The following DAG1 variants were observed in gnomAD, a reference collection of about 807,000 sequenced individuals.
DAG1 encodes the protein dystroglycan 1, also known as dystroglycan 1 (dystrophin-associated glycoprotein 1).
A neutral mutation model predicts 46.1 loss-of-function variants in DAG1; 8 were observed. The ratio of observed to expected loss-of-function variants is 0.17; its 90% CI spans 0.10 to 0.31. The LOEUF is 0.31. DAG1 is among the 10% of genes least tolerant of loss of function. The pLI is 1.00. For synonymous variants in DAG1, 495 were observed against 481.8 expected (o/e 1.03, Z -0.36); for missense variants, 1,003 against 1,189.9 (o/e 0.84, Z 2.31).
At chr3:49,502,611 G>C (rs532337666) in intron 1 of DAG1, among the ~76,000 whole-genome samples, 1 of 151,434 alleles carries the variant, frequency 6.6e-6, no homozygotes, top group African/African-American at 2.4e-5. Flanking sequence ...ACTATATCGT[G>C]CTAAATTGTA....
intron 1 of DAG1, among the ~76,000 whole-genome samples, chr3:49,504,906 C>T (rs1197605552): frequency 6.1e-5 from 9 of 148,504 alleles, no homozygotes; most frequent in Admixed American, 5.4e-4. Context: ...CCACTGTGCC[C>T]AGCTGTATTC....
chr3:49,533,289 G>T lies in DAG1; in HGVS notation c.*90G>T. ...GGAGACCGGTGGCCTGCAGACCATT[G>T]CCCACCGGGAGCCGACACCTGACCT... On this transcript the variant is annotated 3_prime_UTR_variant, in exon 3 of 3. Transcript: ENST00000308775. 2.6e-6 allele frequency: 4 copies of T among 1,567,568 alleles called. No homozygotes were observed. The highest frequency in any genetic ancestry group is 3.4e-6 in the Non-Finnish European group (4 of 1,162,442).
At chr3:49,474,971 C>A (rs903859290) in intron 1 of DAG1, among the ~76,000 whole-genome samples, 8 of 151,820 alleles carry the variant, frequency 5.3e-5, no homozygotes, top group African/African-American at 1.7e-4. Context: ...GCCACCGCGC[C>A]CAGCTAATTT....
chr3:49,531,265 G>A lies in DAG1; in HGVS notation c.754G>A (p.Val252Met), dbSNP rs762637566. Residue 252 changes from valine (V) to methionine (M), a missense_variant, in exon 3 of 3, where the codon GTG becomes ATG. Physicochemically the swap from Val to Met is conservative, Grantham distance 21. Coordinates refer to ENST00000308775, the MANE Select transcript of DAG1 (RefSeq NM_004393.6). This position sits in a 1 kb window ranked among gnomAD's most constrained non-coding sequence, Gnocchi z 7.0. The part of the protein sequence containing the change: ...MAGPGNAKKV[V>M]ENGALLSWKL... ...TGGCCCGGGAAATGCAAAAAAGGTG[G>A]TGGAGAATGGGGCCCTTCTCTCCTG... 1.2e-6 allele frequency: 2 copies of A among 1,614,150 alleles called. No homozygotes were observed. The highest frequency in any genetic ancestry group is 1.7e-6 in the Non-Finnish European group (2 of 1,180,024).
At position 49,491,772 on chromosome 3, in the gene DAG1, G is replaced by A. The variant is rs143071562; in HGVS notation, c.-116-18647G>A. On this transcript the variant is annotated intron_variant, in intron 1 of 2. Coordinates refer to ENST00000308775, the MANE Select transcript of DAG1 (RefSeq NM_004393.6). ...ATTACAGGCGTGAGCCACCGCGCCC[G>A]GCCTGTCCTGCTATTTTTGTATTTT... Among the ~76,000 whole-genome samples, 734 of 150,772 alleles carry A rather than the reference G, an allele frequency of 4.9e-3. 8 individuals carry two copies. Among genetic ancestry groups the A allele is most frequent in the African/African-American group, 0.016 (647 of 41,120 alleles).
intron 1 of DAG1, among the ~76,000 whole-genome samples, chr3:49,480,996 C>T (rs1324847140): frequency 8.9e-5 from 13 of 146,218 alleles, no homozygotes; most frequent in African/African-American, 2.5e-4. Flanking sequence ...CTCCTGACCT[C>T]GTGATCCGCC....
At chr3:49,474,376 C>T (rs186938091) in intron 1 of DAG1, among the ~76,000 whole-genome samples, 33 of 150,662 alleles carry the variant, frequency 2.2e-4, no homozygotes, top group Admixed American at 1.9e-3. Flanking sequence ...GGTGGAGTTT[C>T]GCTCCTTTGC....
At chr3:49,516,602 C>T (rs2050903939) in intron 2 of DAG1, among the ~76,000 whole-genome samples, 1 of 152,212 alleles carries the variant, frequency 6.6e-6, no homozygotes, top group Non-Finnish European at 1.5e-5. Flanking sequence ...GTTTATTGCT[C>T]ATCTTAATTA....
Position 49,532,211 on chromosome 3 carries a change from G to T in DAG1, c.1700G>T (p.Ser567Ile). 3 of 1,614,124 alleles carry T rather than the reference G, an allele frequency of 1.9e-6. No homozygotes were observed. The highest frequency in any genetic ancestry group is 2.5e-6 in the Non-Finnish European group (3 of 1,179,934). The change falls in exon 3 of 3, where the codon AGC becomes ATC. Residue 567 changes from serine to isoleucine, a missense_variant. This residue lies in a region of DAG1 where 755 missense variants were observed against 854.1 expected (regional missense o/e 0.88). Transcript: ENST00000308775. The surrounding 1 kb of genome is among the most constrained non-coding windows in gnomAD (Gnocchi z 5.4). Reference protein sequence around the residue: ...NSQLMYGLPDSSHVGKHEYFM... With the variant: ...NSQLMYGLPDISHVGKHEYFM... ...CAGCTCATGTATGGCCTTCCCGACA[G>T]CAGCCACGTGGGCAAACACGAGTAT...
chr3:49,532,724 A>T lies in DAG1; in HGVS notation c.2213A>T (p.Asp738Val), dbSNP rs547451431. The T allele has an allele frequency of 2.5e-6, 4 of 1,614,162 alleles. No individual in the cohort carries two copies. The South Asian group carries it at 4.4e-5, about 18-fold the overall frequency. ...GAGGCGCCGCCCACAGAAGTGCCTGACAGGGACCCTGAGAAGAGCAGTGAG... is the reference window on the plus strand; with the variant it reads ...GAGGCGCCGCCCACAGAAGTGCCTGTCAGGGACCCTGAGAAGAGCAGTGAG... ...PSEAPPTEVPDRDPEKSSEDD... is the reference protein window; with the variant it reads ...PSEAPPTEVPVRDPEKSSEDD... The change falls in exon 3 of 3, where the codon GAC (aspartate) becomes GTC (valine). Residue 738 changes from aspartate to valine, a missense_variant. Physicochemically the swap from Asp to Val is radical, Grantham distance 152. Around this residue, in one of 3 missense-constraint regions of DAG1, gnomAD observed 755 missense variants for 854.1 expected, o/e 0.88. Coordinates refer to ENST00000308775, the MANE Select transcript of DAG1 (RefSeq NM_004393.6). The surrounding 1 kb of genome is among the most constrained non-coding windows in gnomAD (Gnocchi z 5.4).
chr3:49,481,756 T>C (rs2049886884), intron 1 of DAG1, among the ~76,000 whole-genome samples: 1 of 152,190 alleles, frequency 6.6e-6, no homozygotes, highest in African/African-American at 2.4e-5. Flanking sequence ...CCCAGCTTGA[T>C]TCCCTGTTTT....
chr3:49,530,805 G>A lies in DAG1; in HGVS notation c.294G>A (p.Ala98=), dbSNP rs752506833. ...ASSGDIIKVS[A]AGKEALPSWL... ...GCTTGTGTCTCTTCTAGGTATCAGC[G>A]GCAGGGAAGGAGGCTTTGCCATCTT... Residue 98 remains alanine (A), a synonymous_variant, in exon 3 of 3, where the codon GCG becomes GCA. Coordinates refer to ENST00000308775, the MANE Select transcript of DAG1 (RefSeq NM_004393.6). 1.5e-5 allele frequency: 25 copies of A among 1,614,072 alleles called. No homozygotes were observed. The highest frequency in any genetic ancestry group is 1.1e-4 in the African/African-American group (8 of 74,924).
intron 1 of DAG1, among the ~76,000 whole-genome samples, chr3:49,498,695 CTTTA>C (rs2050373572): frequency 7.5e-6 from 1 of 134,086 alleles, no homozygotes; most frequent in Non-Finnish European, 1.7e-5. Context: ...ATCCCATTTT[CTTTA>C]TTATTATTAT....
intron 2 of DAG1, among the ~76,000 whole-genome samples, chr3:49,514,805 ATG>A (rs138689783): frequency 0.33 from 47,299 of 145,130 alleles, 7,876 homozygotes; most frequent in African/African-American, 0.39. Context: ...CTCCTGGCAT[ATG>A]TGTGTGTGTG....
intron 1 of DAG1, among the ~76,000 whole-genome samples, chr3:49,507,887 TA>T (rs2050650572): frequency 6.6e-6 from 1 of 152,040 alleles, no homozygotes. Context: ...GGATGAGTTG[TA>T]GTAGTTTGTA....
chr3:49,515,142 G>A (rs899733723), intron 2 of DAG1, among the ~76,000 whole-genome samples: 1 of 151,516 alleles, frequency 6.6e-6, no homozygotes, highest in African/African-American at 2.4e-5. Context: ...CCCACGTTTT[G>A]TATTTTTAGT....
Position 49,531,593 on chromosome 3 carries a change from C to T in DAG1, c.1082C>T (p.Pro361Leu). The change falls in exon 3 of 3, where the codon CCT becomes CTT. Residue 361 changes from proline (P) to leucine (L), a missense_variant. Physicochemically the swap from Pro to Leu is moderately conservative, Grantham distance 98 (BLOSUM62 -3). Coordinates refer to ENST00000308775, the MANE Select transcript of DAG1 (RefSeq NM_004393.6). This position sits in a 1 kb window ranked among gnomAD's most constrained non-coding sequence, Gnocchi z 7.0. ...TETMAPPVRD[P>L]VPGKPTVTIR... ...ACCATGGCTCCTCCAGTCAGGGATC[C>T]TGTTCCTGGGAAACCCACGGTCACC... 1 of 1,613,028 alleles carries T rather than the reference C, an allele frequency of 6.2e-7. No individual in the cohort carries two copies. The highest frequency in any genetic ancestry group is 8.5e-7 in the Non-Finnish European group (1 of 1,179,096).
At position 49,533,241 on chromosome 3, in the gene DAG1, G is replaced by A; in HGVS notation, c.*42G>A. On this transcript the variant is annotated 3_prime_UTR_variant, in exon 3 of 3. Coordinates refer to ENST00000308775, the MANE Select transcript of DAG1 (RefSeq NM_004393.6). Reference sequence around the variant, plus strand: ...TGGAGGCAGGGTAGGGCAGGGGCCTGGAGACGACATGGTGTTGTCTGTGGA... The same window carrying A: ...TGGAGGCAGGGTAGGGCAGGGGCCTAGAGACGACATGGTGTTGTCTGTGGA... The A allele has an allele frequency of 6.2e-7, 1 of 1,603,138 alleles. No individual in the cohort carries two copies. Among genetic ancestry groups the A allele is most frequent in the Non-Finnish European group, 8.5e-7 (1 of 1,179,622 alleles).
chr3:49,532,534 G>A lies in DAG1; in HGVS notation c.2023G>A (p.Ala675Thr), dbSNP rs764063699. 6 of 1,613,710 alleles carry A rather than the reference G, an allele frequency of 3.7e-6. No homozygotes were observed. The highest frequency in any genetic ancestry group is 1.1e-5 in the South Asian group (1 of 91,084). Residue 675 changes from alanine (A) to threonine (T), a missense_variant, in exon 3 of 3, where the codon GCT becomes ACT. Around this residue, in one of 3 missense-constraint regions of DAG1, gnomAD observed 755 missense variants for 854.1 expected, o/e 0.88. Transcript: ENST00000308775. This position sits in a 1 kb window ranked among gnomAD's most constrained non-coding sequence, Gnocchi z 5.4. The stretch of plus-strand genomic sequence containing the variant: ...GGAGCCCTGCCCCAAGGAGCAGATC[G>A]CTGGGCTGAGCCGCCGGATCGCTGA... The part of the protein sequence containing the change: ...PLEPCPKEQI[A>T]GLSRRIAEDD...
Sources: allele counts gnomAD v4.1 joint callset (sites outside exome capture counted in the v4.1 genomes callset), GRCh38; gene constraint gnomAD v4.1.1; regional missense constraint gnomAD v4.1.1; non-coding constraint Gnocchi (gnomAD v3.1); transcripts MANE v1.5; gene names NCBI Gene and HGNC (gene_info 2026-07-23, HGNC 2026-07-21).